The following RNF169 variants were observed in gnomAD, a reference collection of about 807,000 sequenced individuals.
RNF169 encodes the protein ring finger protein 169, also known as E3 ubiquitin-protein ligase RNF169.
A neutral mutation model predicts 53.9 loss-of-function variants in RNF169; 24 were observed. The ratio of observed to expected loss-of-function variants is 0.45; its 90% CI spans 0.32 to 0.63. The LOEUF is 0.63. RNF169 is among the 20% of genes least tolerant of loss of function. RNF169 has a pLI of 0.04. For synonymous variants in RNF169, 396 were observed against 363.5 expected, an observed-to-expected ratio of 1.09 and a Z score of -1.02; for missense variants, 883 against 906.2, an observed-to-expected ratio of 0.97 and a Z score of 0.33.
rs183602758 is a variant in RNF169, at chr11:74,803,276, G to A, written c.577-6908G>A. Among the ~76,000 whole-genome samples, 425 of 152,036 alleles carry A rather than the reference G, an allele frequency of 2.8e-3. 2 individuals carry two copies. Among genetic ancestry groups the A allele is most frequent in the African/African-American group, 9.8e-3 (405 of 41,470 alleles). ...AATTTTTTATATTTTTAGTAGAGACGGGGTTTCACCGTGTTAGCCAGGATG... is the reference window on the plus strand; with the variant it reads ...AATTTTTTATATTTTTAGTAGAGACAGGGTTTCACCGTGTTAGCCAGGATG... On this transcript the variant is annotated intron_variant, in intron 2 of 5. Coordinates refer to ENST00000299563, the MANE Select transcript of RNF169 (RefSeq NM_001098638.2).
chr11:74,836,146 G>C lies in RNF169; in HGVS notation c.1543G>C (p.Asp515His). 4 of 1,614,114 alleles carry C rather than the reference G, an allele frequency of 2.5e-6. No individual in the cohort carries two copies. The highest frequency in any genetic ancestry group is 3.4e-6 in the Non-Finnish European group (4 of 1,180,012). Residue 515 changes from aspartate to histidine, a missense_variant, in exon 6 of 6, where the codon GAC (aspartate) becomes CAC (histidine). Asp to His is a moderately conservative substitution (Grantham distance 81). This residue lies in a region of RNF169 where 351 missense variants were observed against 337.3 expected (regional missense o/e 1.04). Coordinates refer to ENST00000299563, the MANE Select transcript of RNF169 (RefSeq NM_001098638.2). Reference sequence around the variant, plus strand: ...TGTTAGCCAAACAAAAGCAGAACAGGACAGTGATAATAAAAGTAGCACTGA... The same window carrying C: ...TGTTAGCCAAACAAAAGCAGAACAGCACAGTGATAATAAAAGTAGCACTGA... ...PSVSQTKAEQ[D>H]SDNKSSTEIP... is the part of the protein sequence containing the mutation.
chr11:74,835,089 C>G (rs1370879442), intron 5 of RNF169, among the ~76,000 whole-genome samples: 2 of 152,060 alleles, frequency 1.3e-5, no homozygotes, highest in African/African-American at 4.8e-5. Context: ...CTCAAGTAGC[C>G]TTTCTCACCT....
intron 1 of RNF169, among the ~76,000 whole-genome samples, chr11:74,756,405 ACT>A (rs1289396279): frequency 6.6e-6 from 1 of 152,052 alleles, no homozygotes; most frequent in East Asian, 1.9e-4. Context: ...GTTATTGGAT[ACT>A]CTCTGTGTCT....
At chr11:74,783,313 C>A (rs1219679592) in intron 1 of RNF169, among the ~76,000 whole-genome samples, 1 of 151,672 alleles carries the variant, frequency 6.6e-6, no homozygotes, top group Non-Finnish European at 1.5e-5. Context: ...GAAGGATCTT[C>A]AGGGAACTAT....
intron 1 of RNF169, among the ~76,000 whole-genome samples, chr11:74,779,452 T>C (rs377636123): frequency 2.0e-5 from 3 of 152,314 alleles, no homozygotes; most frequent in African/African-American, 7.2e-5. Context: ...ACACTCTATA[T>C]TGCCTGTTGT....
intron 1 of RNF169, among the ~76,000 whole-genome samples, chr11:74,777,942 T>A (rs1194213889): frequency 1.3e-5 from 2 of 152,146 alleles, no homozygotes; most frequent in Admixed American, 1.3e-4. Flanking sequence ...TGTCTTAATT[T>A]GTCTTTCTCA....
intron 2 of RNF169, among the ~76,000 whole-genome samples, 183 bp downstream of exon 2, chr11:74,789,882 A>G (rs1374567689): frequency 6.6e-6 from 1 of 152,228 alleles, no homozygotes; most frequent in Admixed American, 6.5e-5. Flanking sequence ...CCTTAACCCA[A>G]GATTCCCTTT....
intron 1 of RNF169, among the ~76,000 whole-genome samples, chr11:74,786,461 CT>C (rs1456559217): frequency 6.6e-6 from 1 of 151,960 alleles, no homozygotes; most frequent in Non-Finnish European, 1.5e-5. Flanking sequence ...TGAGGTCTGT[CT>C]GTGTTGCTCA....
At chr11:74,776,373 A>C (rs2035335294) in intron 1 of RNF169, among the ~76,000 whole-genome samples, 1 of 152,112 alleles carries the variant, frequency 6.6e-6, no homozygotes, top group Non-Finnish European at 1.5e-5. Context: ...TGATAATGAG[A>C]CTTTGACTTT....
chr11:74,768,452 C>T (rs921422696), intron 1 of RNF169, among the ~76,000 whole-genome samples: 20 of 151,818 alleles, frequency 1.3e-4, no homozygotes, highest in Non-Finnish European at 2.5e-4. Context: ...ACTGAAAATA[C>T]AAAAATTAGT....
chr11:74,784,312 A>G (rs1325295547), intron 1 of RNF169, among the ~76,000 whole-genome samples: 1 of 152,208 alleles, frequency 6.6e-6, no homozygotes, highest in Non-Finnish European at 1.5e-5. Flanking sequence ...TTTTCAGTTC[A>G]TGACATGTGT....
chr11:74,764,958 T>C (rs1404421913), intron 1 of RNF169, among the ~76,000 whole-genome samples: 1 of 152,198 alleles, frequency 6.6e-6, no homozygotes, highest in Non-Finnish European at 1.5e-5. Flanking sequence ...TCATGCCTAA[T>C]CTTAGCACTT....
In RNF169 at chr11:74,817,584, T is replaced by C; in HGVS notation, c.724-12T>C. 1 of 1,562,140 alleles carries C rather than the reference T, an allele frequency of 6.4e-7. No individual in the cohort carries two copies. Among genetic ancestry groups the C allele is most frequent in the Non-Finnish European group, 8.8e-7 (1 of 1,132,454 alleles). ...CAAATGGACAGTGTTGTCTCCCTTG[T>C]CTCCCTGCCAGTGTCCTGCACGTCT... On this transcript the variant is annotated splice_polypyrimidine_tract_variant and intron_variant, in intron 3 of 5. Transcript: ENST00000299563.
At chr11:74,788,022 C>CT (rs1016141273) in intron 1 of RNF169, among the ~76,000 whole-genome samples, 2 of 151,866 alleles carry the variant, frequency 1.3e-5, no homozygotes, top group African/African-American at 4.8e-5. Context: ...ATTGAATCAG[C>CT]TAGGGTTGTT....
intron 1 of RNF169, among the ~76,000 whole-genome samples, chr11:74,753,611 G>C (rs1289112826): frequency 6.6e-6 from 1 of 152,122 alleles, no homozygotes; most frequent in East Asian, 1.9e-4. Context: ...GAGATATATT[G>C]CTTAGTTGTA....
At chr11:74,822,202 CAGAG>C (rs973397619) in intron 4 of RNF169, among the ~76,000 whole-genome samples, 2 of 151,900 alleles carry the variant, frequency 1.3e-5, no homozygotes, top group African/African-American at 2.4e-5. Flanking sequence ...ATGTAAGAGA[CAGAG>C]AGAGTAATGA....
intron 2 of RNF169, chr11:74,808,069 TA>T (rs1664859680): frequency 2.6e-5 from 4 of 152,060 alleles, no homozygotes; most frequent in South Asian, 4.2e-4. Flanking sequence ...AGAGCAGCAG[TA>T]AAAATTATTA....
intron 4 of RNF169, chr11:74,832,139 C>G (rs1333415059): frequency 6.6e-6 from 1 of 152,206 alleles, no homozygotes; most frequent in Non-Finnish European, 1.5e-5. Context: ...CTAGACGCTC[C>G]TTTCAGTGAA....
intron 1 of RNF169, among the ~76,000 whole-genome samples, chr11:74,759,980 A>T (rs1190332914): frequency 6.6e-6 from 1 of 151,100 alleles, no homozygotes; most frequent in Non-Finnish European, 1.5e-5. Context: ...TATTGCCACA[A>T]TTTCAGCTCC....
Sources: gnomAD v4.1 joint callset for allele counts (sites outside exome capture counted in the v4.1 genomes callset) on GRCh38, gnomAD v4.1.1 for gene constraint, gnomAD v4.1.1 regional missense constraint, MANE v1.5 for transcripts, NCBI Gene and HGNC (gene_info 2026-07-23, HGNC 2026-07-21) for gene names.